PARD6B: variants seen among roughly 807,000 people sequenced by gnomAD.
PARD6B encodes the protein par-6 family cell polarity regulator beta.
Under a neutral mutation model 10.5 loss-of-function variants are expected in PARD6B, and 4 were observed. That is an observed-to-expected ratio of 0.38 (90% CI 0.19 to 0.87). PARD6B has a LOEUF of 0.87. Ranked by LOEUF, PARD6B falls within the 40% of genes least tolerant of loss-of-function variation. The probability of loss-of-function intolerance (pLI) is 0.41; values close to 1 mark genes in which losing one functional copy is unlikely to be tolerated. For missense variants in PARD6B, 396 were observed against 470.6 expected (o/e 0.84, Z 1.47); for synonymous variants, 169 against 170.4 (o/e 0.99, Z 0.07).
intron 1 of PARD6B, among the ~76,000 whole-genome samples, chr20:50,733,772 A>T (rs1600813558): frequency 6.6e-6 from 1 of 152,338 alleles, no homozygotes; most frequent in East Asian, 1.9e-4. Context: ...TAATCTTAAA[A>T]TTTTAAGTTT....
intron 1 of PARD6B, among the ~76,000 whole-genome samples, chr20:50,734,415 CG>C (rs2087488654): frequency 6.6e-6 from 1 of 152,020 alleles, no homozygotes; most frequent in Non-Finnish European, 1.5e-5. Flanking sequence ...GGCACGATCA[CG>C]GCTCACTGCA....
chr20:50,736,329 A>C (rs58392090), intron 1 of PARD6B, among the ~76,000 whole-genome samples: 16,963 of 152,192 alleles, frequency 0.11, 1,315 homozygotes, highest in African/African-American at 0.22. Context: ...TTAAGGCTGT[A>C]CCAACAGTAT....
intron 2 of PARD6B, among the ~76,000 whole-genome samples, chr20:50,742,298 C>G (rs949274179): frequency 6.6e-6 from 1 of 152,202 alleles, no homozygotes; most frequent in African/African-American, 2.4e-5. Flanking sequence ...CCCACCTCGG[C>G]CTCCCAAAGT....
chr20:50,747,495 T>C (rs1050772566), intron 2 of PARD6B, among the ~76,000 whole-genome samples: 4 of 143,002 alleles, frequency 2.8e-5, no homozygotes, highest in African/African-American at 7.6e-5. Flanking sequence ...CTTTCTTTTT[T>C]TTTTTTTTTT....
At chr20:50,739,069 G>A (rs957380458) in intron 2 of PARD6B, among the ~76,000 whole-genome samples, 4 of 151,664 alleles carry the variant, frequency 2.6e-5, no homozygotes, top group Non-Finnish European at 5.9e-5. Flanking sequence ...TAAATGAAGT[G>A]GTTTGGGAAG....
intron 1 of PARD6B, among the ~76,000 whole-genome samples, chr20:50,736,398 AATAG>A (rs761558694): frequency 2.4e-4 from 36 of 152,318 alleles, no homozygotes; most frequent in South Asian, 4.1e-4. Context: ...TCTTGCTAGT[AATAG>A]ATAGGTGGAA....
chr20:50,742,034 A>T (rs914097260), intron 2 of PARD6B, among the ~76,000 whole-genome samples: 1 of 152,028 alleles, frequency 6.6e-6, no homozygotes, highest in Non-Finnish European at 1.5e-5. Flanking sequence ...GTAAGGCAGA[A>T]GTTACACTTA....
chr20:50,750,301 T>C lies in PARD6B; in HGVS notation c.932T>C (p.Val311Ala). The stretch of plus-strand genomic sequence containing the variant: ...GTGCCACAGCAGATTCCAAAAGCTG[T>C]TCCTAATACTGAGAGCCTGGAGTCA... ...NGVPQQIPKA[V>A]PNTESLESLT... Residue 311 changes from valine to alanine, a missense_variant, in exon 3 of 3, where the codon GTT becomes GCT. Coordinates refer to ENST00000371610, the MANE Select transcript of PARD6B (RefSeq NM_032521.3). 6.2e-7 allele frequency: 1 copy of C among 1,614,230 alleles called. No individual in the cohort carries two copies. The highest frequency in any genetic ancestry group is 8.5e-7 in the Non-Finnish European group (1 of 1,180,046).
At chr20:50,739,085 A>G (rs991425650) in intron 2 of PARD6B, among the ~76,000 whole-genome samples, 12 of 151,954 alleles carry the variant, frequency 7.9e-5, no homozygotes, top group Non-Finnish European at 1.6e-4. Flanking sequence ...GGAAGCCAGC[A>G]TGAGAGCATC....
In PARD6B at chr20:50,753,369, C is replaced by G. The variant is rs762429493; in HGVS notation, c.*2881C>G. On this transcript the variant is annotated 3_prime_UTR_variant, in exon 3 of 3. Transcript: ENST00000371610. ...GATAAAATATCAGCTCATTGGTAGG[C>G]TGAATCAATTATTTCAAGTGCACCT... The G allele has an allele frequency of 1.4e-4, 134 of 985,040 alleles. No individual in the cohort carries two copies. The highest frequency in any genetic ancestry group is 1.6e-4 in the Non-Finnish European group (129 of 829,456). 61.0% of individuals were successfully genotyped at this position (985,040 alleles called of 1,614,324 possible).
At position 50,753,248 on chromosome 20, in the gene PARD6B, A is replaced by G. The variant is rs770759181; in HGVS notation, c.*2760A>G. Reference sequence around the variant, plus strand: ...TTTAATTATCCTGTTAAGGGTATCTATCAATGGTATTTTCAAGTAGATCTC... The same window carrying G: ...TTTAATTATCCTGTTAAGGGTATCTGTCAATGGTATTTTCAAGTAGATCTC... On this transcript the variant is annotated 3_prime_UTR_variant, in exon 3 of 3. Coordinates refer to ENST00000371610, the MANE Select transcript of PARD6B (RefSeq NM_032521.3). 1.7e-5 allele frequency: 17 copies of G among 984,702 alleles called. No homozygotes were observed. The highest frequency in any genetic ancestry group is 1.1e-4 in the East Asian group (1 of 8,824). 61.0% of individuals were successfully genotyped at this position (984,702 alleles called of 1,614,324 possible).
Position 50,731,733 on chromosome 20 carries a change from G to T in PARD6B, c.-54G>T, listed in dbSNP as rs868528179. 88 of 1,394,160 alleles carry T rather than the reference G, an allele frequency of 6.3e-5. No homozygotes were observed. The highest frequency in any genetic ancestry group is 7.5e-5 in the Non-Finnish European group (81 of 1,076,620). 86.4% of individuals were successfully genotyped at this position (1,394,160 alleles called of 1,614,324 possible). A position where few individuals can be genotyped will look rare whatever the true frequency, so the allele number is the denominator to read the frequency against. On this transcript the variant is annotated 5_prime_UTR_variant, in exon 1 of 3. Transcript: ENST00000371610. ...CCCCAGTCGCGCACTCGCTCCCCGC[G>T]CTCCTGAGGGGCCGCCCGGCCGGAG...
intron 1 of PARD6B, among the ~76,000 whole-genome samples, chr20:50,732,739 G>A (rs2087478438): frequency 6.6e-6 from 1 of 152,170 alleles, no homozygotes; most frequent in African/African-American, 2.4e-5. Context: ...GCTTAGAAAG[G>A]TTATGACTTC....
rs192900373 is a variant in PARD6B, at chr20:50,750,745, A to G, written c.*257A>G. The stretch of plus-strand genomic sequence containing the variant: ...GCTTTTGCTGTTTTGTCTGTGGAGA[A>G]TCAGATGTTAAAGCACATTCTTGGA... On this transcript the variant is annotated 3_prime_UTR_variant, in exon 3 of 3. Coordinates refer to ENST00000371610, the MANE Select transcript of PARD6B (RefSeq NM_032521.3). 129 of 1,239,850 alleles carry G rather than the reference A, an allele frequency of 1.0e-4. No individual in the cohort carries two copies. The African/African-American group carries it at 1.9e-3, about 18-fold the overall frequency. The allele number at this position is 1,239,850 out of a possible 1,614,324, so 76.8% of individuals were successfully genotyped here.
At position 50,750,596 on chromosome 20, in the gene PARD6B, C is replaced by T. The variant is rs144921171; in HGVS notation, c.*108C>T. The T allele has an allele frequency of 1.9e-5, 28 of 1,447,026 alleles. No homozygotes were observed. The highest frequency in any genetic ancestry group is 1.4e-4 in the Admixed American group (5 of 35,730). 89.6% of individuals were successfully genotyped at this position (1,447,026 alleles called of 1,614,324 possible). ...CCAGTGACGTGGAATAGGCATGAGA[C>T]GAGTAACGTTGCAAGCTTACAATAT... On this transcript the variant is annotated 3_prime_UTR_variant, in exon 3 of 3. Coordinates refer to ENST00000371610, the MANE Select transcript of PARD6B (RefSeq NM_032521.3).
chr20:50,749,946 T>G lies in PARD6B; in HGVS notation c.577T>G (p.Phe193Val). The change falls in exon 3 of 3, where the codon TTT becomes GTT. Residue 193 changes from phenylalanine (F) to valine (V), a missense_variant. Transcript: ENST00000371610. Reference sequence around the variant, plus strand: ...TGGCTTAGAAAAGGTTCCAGGGATCTTTATATCCAGGCTTGTCCCAGGAGG... The same window carrying G: ...TGGCTTAGAAAAGGTTCCAGGGATCGTTATATCCAGGCTTGTCCCAGGAGG... ...PHGLEKVPGI[F>V]ISRLVPGGLA... is the part of the protein sequence containing the mutation. 1 of 1,614,230 alleles carries G rather than the reference T, an allele frequency of 6.2e-7. No homozygotes were observed. Among genetic ancestry groups the G allele is most frequent in the Non-Finnish European group, 8.5e-7 (1 of 1,180,044 alleles).
At chr20:50,741,404 C>T (rs758950750) in intron 2 of PARD6B, among the ~76,000 whole-genome samples, 44 of 152,094 alleles carry the variant, frequency 2.9e-4, no homozygotes, top group Non-Finnish European at 5.1e-4. Flanking sequence ...AACTAAAGCC[C>T]TCCACCTTCC....
intron 1 of PARD6B, among the ~76,000 whole-genome samples, chr20:50,735,077 G>C (rs1221055156): frequency 6.6e-6 from 1 of 152,200 alleles, no homozygotes; most frequent in Non-Finnish European, 1.5e-5. Context: ...TTGAACCTGG[G>C]AGGCGGAGGT....
chr20:50,731,659 C>T lies in PARD6B; in HGVS notation c.-128C>T. The stretch of plus-strand genomic sequence containing the variant: ...GACGCCGGAGCTGCGGCCGCCCCCT[C>T]TGCAGGTGCCTGTGAGGAGGCGCCC... On this transcript the variant is annotated 5_prime_UTR_variant, in exon 1 of 3. Coordinates refer to ENST00000371610, the MANE Select transcript of PARD6B (RefSeq NM_032521.3). 1 of 687,404 alleles carries T rather than the reference C, an allele frequency of 1.5e-6. No individual in the cohort carries two copies. The highest frequency in any genetic ancestry group is 4.3e-5 in the Admixed American group (1 of 23,032). The allele number at this position is 687,404 out of a possible 1,614,324, so 42.6% of individuals were successfully genotyped here.
Sources: allele counts gnomAD v4.1 joint callset (sites outside exome capture counted in the v4.1 genomes callset), GRCh38; gene constraint gnomAD v4.1.1; transcripts MANE v1.5; gene names NCBI Gene and HGNC (gene_info 2026-07-23, HGNC 2026-07-21).